The following SPPL2A variants were observed in gnomAD, a reference collection of about 807,000 sequenced individuals.
SPPL2A encodes signal peptide peptidase like 2A, also known as signal peptide peptidase-like 2A.
Under a neutral mutation model 63.8 loss-of-function variants are expected in SPPL2A, and 51 were observed. The observed-to-expected ratio is 0.80, with a 90% CI of 0.64 to 1.01. The LOEUF (loss-of-function observed/expected upper bound fraction) is 1.01, where lower values mean the gene tolerates loss of function less well. Among genes scored for constraint, SPPL2A ranks in the 50% least tolerant of loss-of-function variants. SPPL2A has a pLI of 0.00. For synonymous variants in SPPL2A, 188 were observed against 205.8 expected, an observed-to-expected ratio of 0.91 and a Z score of 0.74; for missense variants, 553 against 622.7, an observed-to-expected ratio of 0.89 and a Z score of 1.19.
intron 8 of SPPL2A, 53 bp downstream of exon 8, chr15:50,736,048 G>C (rs1028477894): frequency 1.0e-5 from 12 of 1,169,122 alleles, no homozygotes; most frequent in Non-Finnish European, 1.5e-5. Context: ...ATCAGGGCAA[G>C]ATAGGAAACA....
At chr15:50,726,616 G>T (rs1054221629) in intron 10 of SPPL2A, among the ~76,000 whole-genome samples, 2 of 152,176 alleles carry the variant, frequency 1.3e-5, no homozygotes, top group Non-Finnish European at 1.5e-5. Flanking sequence ...ATTGGCAAAT[G>T]AATCATGTAA....
At chr15:50,710,145 C>T (rs76523702) in intron 14 of SPPL2A, among the ~76,000 whole-genome samples, 25,652 of 152,068 alleles carry the variant, frequency 0.17, 2,731 homozygotes, top group East Asian at 0.46. Context: ...TTGAAGCAGC[C>T]TCAGCAGAAT....
chr15:50,716,919 T>C (rs1004337887), intron 14 of SPPL2A, among the ~76,000 whole-genome samples: 3 of 152,206 alleles, frequency 2.0e-5, no homozygotes, highest in Non-Finnish European at 4.4e-5. Flanking sequence ...TTTCTCTCTT[T>C]GTGGTGATCC....
rs2062604275 is a variant in SPPL2A at position 50,717,061 on chromosome 15, C to A, written c.1488+2879G>T. On this transcript the variant is annotated intron_variant, in intron 14 of 14. Coordinates refer to ENST00000261854, the MANE Select transcript of SPPL2A (RefSeq NM_032802.4). ...CCTGAACTCTACTTCTTTTCCTCCA[C>A]CCATACTGACTCCATCATGAGGCCC... Among the ~76,000 whole-genome samples the A allele has an allele frequency of 2.0e-5, 3 of 152,190 alleles. No individual in the cohort carries two copies. In the South Asian group the frequency reaches 6.2e-4, roughly 32 times the overall value.
intron 14 of SPPL2A, among the ~76,000 whole-genome samples, chr15:50,716,901 G>T (rs1391719548): frequency 1.3e-5 from 2 of 152,074 alleles, no homozygotes; most frequent in African/African-American, 4.8e-5. Flanking sequence ...TTATTCAACT[G>T]CCTATTATTT....
intron 1 of SPPL2A, among the ~76,000 whole-genome samples, chr15:50,757,456 T>C (rs765059009): frequency 2.6e-5 from 4 of 152,154 alleles, no homozygotes; most frequent in Non-Finnish European, 2.9e-5. Flanking sequence ...CCTTTCCCTA[T>C]GACAAATGCT....
Position 50,706,124 on chromosome 15 carries a change from G to T in SPPL2A, c.*1676C>A, listed in dbSNP as rs1184264188. On this transcript the variant is annotated 3_prime_UTR_variant, in exon 15 of 15. Transcript: ENST00000261854. ...AACTGAGATATGGCCGGGCGCGGTG[G>T]CTCACGCCTGTAATCCCAGCACTTT... 6.6e-6 allele frequency: 1 copy of T among 152,134 alleles called. No homozygotes were observed. Among genetic ancestry groups the T allele is most frequent in the Non-Finnish European group, 1.5e-5 (1 of 68,064 alleles). 9.4% of individuals were successfully genotyped at this position (152,134 alleles called of 1,614,324 possible).
rs762248159 is a variant in SPPL2A, at chr15:50,749,734, C to T, written c.79G>A (p.Glu27Lys). Reference protein sequence around the residue: ...GFLLQLTAAQEAILHASGNGT... With the variant: ...GFLLQLTAAQKAILHASGNGT... The stretch of plus-strand genomic sequence containing the variant: ...TTTCCAGACGCATGCAAGATTGCTT[C>T]CTGAGCGGCTGTCTAGGAGACAAAC... Residue 27 changes from glutamate to lysine, a missense_variant, in exon 2 of 15, where the codon GAA becomes AAA. Physicochemically the swap from Glu to Lys is moderately conservative, Grantham distance 56. Transcript: ENST00000261854. 1 of 1,611,180 alleles carries T rather than the reference C, an allele frequency of 6.2e-7. No homozygotes were observed. The highest frequency in any genetic ancestry group is 1.1e-5 in the South Asian group (1 of 91,026).
intron 10 of SPPL2A, among the ~76,000 whole-genome samples, chr15:50,726,869 C>T (rs936860152): frequency 9.2e-5 from 14 of 152,212 alleles, no homozygotes; most frequent in South Asian, 6.2e-4. Context: ...GGCTACTCAC[C>T]ACAATAACAA....
In SPPL2A at chr15:50,747,534, G is replaced by A; in HGVS notation, c.545C>T (p.Thr182Ile). The change falls in exon 5 of 15, where the codon ACT (threonine) becomes ATT (isoleucine). Residue 182 changes from threonine (T) to isoleucine (I), a missense_variant. By Grantham distance (89) the Thr-to-Ile change is moderately conservative. Transcript: ENST00000261854. ...MVVIFVIAVF[T>I]VALGGYWSGL... Reference sequence around the variant, plus strand: ...ACTCCAGTATCCACCTAATGCCACAGTGAACACCGCAATTACAAAAATAAC... The same window carrying A: ...ACTCCAGTATCCACCTAATGCCACAATGAACACCGCAATTACAAAAATAAC... 1 of 1,612,100 alleles carries A rather than the reference G, an allele frequency of 6.2e-7. No individual in the cohort carries two copies. Among genetic ancestry groups the A allele is most frequent in the African/African-American group, 1.3e-5 (1 of 74,988 alleles).
chr15:50,736,110 T>A lies in SPPL2A; in HGVS notation c.923A>T (p.Asn308Ile). The A allele has an allele frequency of 6.2e-7, 1 of 1,600,390 alleles. No homozygotes were observed. The highest frequency in any genetic ancestry group is 1.1e-5 in the South Asian group (1 of 90,836). The change falls in exon 8 of 15, where the codon AAT (asparagine) becomes ATT (isoleucine). Residue 308 changes from asparagine (N) to isoleucine (I), a missense_variant. By Grantham distance (149) the Asn-to-Ile change is moderately radical (BLOSUM62 -3). Coordinates refer to ENST00000261854, the MANE Select transcript of SPPL2A (RefSeq NM_032802.4). ...AVAVVWAVFR[N>I]EDRWAWILQD... The stretch of plus-strand genomic sequence containing the variant: ...CATTGAGTATTCATACCTGTCTTCA[T>A]TTCGAAACACAGCCCAAACAACAGC...
chr15:50,702,675 C>T lies in SPPL2A; in HGVS notation c.*5125G>A, dbSNP rs2062484637. The T allele has an allele frequency of 1.3e-5, 2 of 152,138 alleles. No homozygotes were observed. The highest frequency in any genetic ancestry group is 4.8e-5 in the African/African-American group (2 of 41,442). The allele number at this position is 152,138 out of a possible 1,614,324, so 9.4% of individuals were successfully genotyped here. On this transcript the variant is annotated 3_prime_UTR_variant, in exon 15 of 15. Coordinates refer to ENST00000261854, the MANE Select transcript of SPPL2A (RefSeq NM_032802.4). ...TTCATATTCCAAAGGAATAGAAAAG[C>T]TGTTTGCAATACTTTTTATGCCTAA...
At chr15:50,723,236 A>C (rs2062661879) in intron 12 of SPPL2A, among the ~76,000 whole-genome samples, 1 of 152,228 alleles carries the variant, frequency 6.6e-6, no homozygotes, top group Non-Finnish European at 1.5e-5. Flanking sequence ...GCCATTATGG[A>C]AACCAGTATG....
chr15:50,750,486 T>G (rs2062897203), intron 1 of SPPL2A, among the ~76,000 whole-genome samples: 1 of 152,208 alleles, frequency 6.6e-6, no homozygotes, highest in South Asian at 2.1e-4. Context: ...ACATTATCAT[T>G]TCTAAGTGCT....
chr15:50,735,522 TAC>T lies in SPPL2A; in HGVS notation c.932+577_932+578del, dbSNP rs754058840. On this transcript the variant is annotated intron_variant, in intron 8 of 14. Transcript: ENST00000261854. The stretch of plus-strand genomic sequence containing the variant: ...ATATACACACACACACATACATATA[TAC>T]ACACACACACATATATACATACACA... Among the ~76,000 whole-genome samples, 38 of 142,734 alleles carry T rather than the reference TAC, an allele frequency of 2.7e-4. No homozygotes were observed. In the East Asian group the frequency reaches 5.2e-3, roughly 20 times the overall value. The allele number at this position is 142,734 out of a possible 152,430, so 93.6% of individuals were successfully genotyped here. A position where few individuals can be genotyped will look rare whatever the true frequency, so the allele number is the denominator to read the frequency against.
chr15:50,734,010 G>T (rs756012739), intron 8 of SPPL2A, among the ~76,000 whole-genome samples: 10 of 152,106 alleles, frequency 6.6e-5, no homozygotes, highest in Non-Finnish European at 1.5e-4. Flanking sequence ...TGGCAAGGAT[G>T]TGGGAAAAGG....
At chr15:50,712,679 C>CCCCCCCCT (rs35199045) in intron 14 of SPPL2A, among the ~76,000 whole-genome samples, 4 of 102,936 alleles carry the variant, frequency 3.9e-5, no homozygotes, top group Non-Finnish European at 5.6e-5. Context: ...CTCCCCCCCC[C>CCCCCCCCT]TTTTTTTTTT....
Position 50,720,053 on chromosome 15 carries a change from T to C in SPPL2A, c.1375A>G (p.Lys459Glu). The part of the protein sequence containing the change: ...ILTFVVLVLM[K>E]KGQPALLYLV... ...TAGAGGAGAGCAGGTTGCCCCTTTT[T>C]CATCAGCACCAGAACAACAAATGTA... Residue 459 changes from lysine (K) to glutamate (E), a missense_variant, in exon 14 of 15, where the codon AAA becomes GAA. Transcript: ENST00000261854. 1.2e-6 allele frequency: 2 copies of C among 1,613,840 alleles called. No homozygotes were observed. Among genetic ancestry groups the C allele is most frequent in the South Asian group, 2.2e-5 (2 of 91,018 alleles).
At chr15:50,743,486 T>C (rs973164167) in intron 5 of SPPL2A, among the ~76,000 whole-genome samples, 2 of 152,090 alleles carry the variant, frequency 1.3e-5, no homozygotes, top group East Asian at 1.9e-4. Context: ...GCTAGGACTA[T>C]AGGTTCATGT....
Sources: allele counts gnomAD v4.1 joint callset (sites outside exome capture counted in the v4.1 genomes callset), GRCh38; gene constraint gnomAD v4.1.1; transcripts MANE v1.5; gene names NCBI Gene and HGNC (gene_info 2026-07-23, HGNC 2026-07-21).